The following PLAG1 variants were observed in gnomAD, a reference collection of about 807,000 sequenced individuals.
PLAG1 encodes PLAG1 zinc finger, also known as zinc finger protein PLAG1.
PLAG1 carries 7 observed loss-of-function variants against 35.5 expected under a neutral mutation model. The ratio of observed to expected loss-of-function variants is 0.20; its 90% CI spans 0.11 to 0.37. PLAG1 has a LOEUF of 0.37. Among genes scored for constraint, PLAG1 ranks in the 10% least tolerant of loss-of-function variants. The pLI is 1.00. For synonymous variants in PLAG1, 229 were observed against 225.4 expected, an observed-to-expected ratio of 1.02 and a Z score of -0.14; for missense variants, 454 against 602.8, an observed-to-expected ratio of 0.75 and a Z score of 2.58.
chr8:56,196,083 G>A lies in PLAG1; in HGVS notation c.-322+15038C>T, dbSNP rs1222804614. On this transcript the variant is annotated intron_variant, in intron 1 of 4. Coordinates refer to ENST00000316981, the MANE Select transcript of PLAG1 (RefSeq NM_002655.3). ...CCATGGAACCAGAGTTGGCCAGAAAGGTGCTGTCTAGGGAGCAGAGGAAAA... is the reference window on the plus strand; with the variant it reads ...CCATGGAACCAGAGTTGGCCAGAAAAGTGCTGTCTAGGGAGCAGAGGAAAA... 3.9e-5 allele frequency among the ~76,000 whole-genome samples: 6 copies of A among 152,322 alleles called. No individual in the cohort carries two copies. The East Asian group carries it at 5.8e-4, about 15-fold the overall frequency.
chr8:56,196,945 AGTGTGCGT>A lies in PLAG1; in HGVS notation c.-322+14168_-322+14175del, dbSNP rs780400297. Among the ~76,000 whole-genome samples, 589 of 84,200 alleles carry A rather than the reference AGTGTGCGT, an allele frequency of 7.0e-3. 6 individuals are homozygous for A. The highest frequency in any genetic ancestry group is 0.019 in the African/African-American group (466 of 24,212). 55.2% of individuals were successfully genotyped at this position (84,200 alleles called of 152,430 possible). On this transcript the variant is annotated intron_variant, in intron 1 of 4. Coordinates refer to ENST00000316981, the MANE Select transcript of PLAG1 (RefSeq NM_002655.3). ...GGGTGCAGGCACCCTCTCCCTCCCT[AGTGTGCGT>A]GTGTGTGTGTGTGTGTGTGTGTGTG...
In PLAG1 at chr8:56,166,844, G is replaced by A. The variant is rs771228481; in HGVS notation, c.902C>T (p.Ser301Leu). ...TGTGATCATTTGGTGGGCAGATCCC[G>A]AGCTCTGCATGGACTGAAATGGAGT... Reference protein sequence around the residue: ...YNTPFQSMQSSGSAHQMITTL... With the variant: ...YNTPFQSMQSLGSAHQMITTL... The change falls in exon 5 of 5, where the codon TCG becomes TTG. Residue 301 changes from serine (S) to leucine (L), a missense_variant. Physicochemically the swap from Ser to Leu is moderately radical, Grantham distance 145 (BLOSUM62 -2). Coordinates refer to ENST00000316981, the MANE Select transcript of PLAG1 (RefSeq NM_002655.3). 6.8e-5 allele frequency: 110 copies of A among 1,613,974 alleles called. No individual in the cohort carries two copies. Among genetic ancestry groups the A allele is most frequent in the Non-Finnish European group, 4.5e-5 (53 of 1,180,014 alleles).
At chr8:56,204,829 C>G (rs1376886431) in intron 1 of PLAG1, among the ~76,000 whole-genome samples, 1 of 151,794 alleles carries the variant, frequency 6.6e-6, no homozygotes, top group African/African-American at 2.4e-5. Context: ...GAGTTCAAGA[C>G]TCTCTAATGG....
At chr8:56,169,248 G>C (rs1183649734) in intron 3 of PLAG1, among the ~76,000 whole-genome samples, 1 of 152,122 alleles carries the variant, frequency 6.6e-6, no homozygotes, top group Non-Finnish European at 1.5e-5. Flanking sequence ...GTGTGCAGCA[G>C]ACCTGTGTGG....
intron 1 of PLAG1, among the ~76,000 whole-genome samples, chr8:56,205,973 G>A (rs904885135): frequency 1.3e-5 from 2 of 151,782 alleles, no homozygotes; most frequent in African/African-American, 2.4e-5. Flanking sequence ...GACATCCAGG[G>A]ACTTTTAAAT....
At chr8:56,178,234 C>G (rs1171902026) in intron 2 of PLAG1, among the ~76,000 whole-genome samples, 1 of 152,090 alleles carries the variant, frequency 6.6e-6, no homozygotes, top group Non-Finnish European at 1.5e-5. Flanking sequence ...AAATTTTCAA[C>G]TGATTACAGA....
intron 1 of PLAG1, among the ~76,000 whole-genome samples, chr8:56,200,332 A>G (rs1475034123): frequency 6.6e-6 from 1 of 151,512 alleles, no homozygotes; most frequent in Non-Finnish European, 1.5e-5. Context: ...CTAAGGAACT[A>G]AAAAATGGTA....
At chr8:56,180,326 A>G (rs1811828204) in intron 1 of PLAG1, among the ~76,000 whole-genome samples, 1 of 152,236 alleles carries the variant, frequency 6.6e-6, no homozygotes, top group South Asian at 2.1e-4. Flanking sequence ...CTGATGGAAT[A>G]AACATTACCA....
rs1309523141 is a variant in PLAG1 at position 56,176,046 on chromosome 8, CT to C, written c.-217+3362del. On this transcript the variant is annotated intron_variant, in intron 2 of 4. Transcript: ENST00000316981. ...CTTTTGAAAACTCCCTTTTCCTTTT[CT>C]TTTTTTTTTTTTTTTTGAGACAGGG... Among the ~76,000 whole-genome samples, 381 of 130,064 alleles carry C rather than the reference CT, an allele frequency of 2.9e-3. 1 individual carries two copies. The highest frequency in any genetic ancestry group is 0.011 in the East Asian group (52 of 4,558). 85.3% of individuals were successfully genotyped at this position (130,064 alleles called of 152,430 possible). A position where few individuals can be genotyped will look rare whatever the true frequency, so the allele number is the denominator to read the frequency against.
intron 1 of PLAG1, among the ~76,000 whole-genome samples, chr8:56,193,537 G>A (rs1812250617): frequency 6.6e-6 from 1 of 152,180 alleles, no homozygotes; most frequent in Non-Finnish European, 1.5e-5. Context: ...GAATGCACAT[G>A]ATCATTTTTG....
chr8:56,185,307 T>C (rs1245441567), intron 1 of PLAG1, among the ~76,000 whole-genome samples: 1 of 152,176 alleles, frequency 6.6e-6, no homozygotes, highest in Non-Finnish European at 1.5e-5. Context: ...TTCAGGGACG[T>C]ATGCATATAT....
At chr8:56,173,602 C>A (rs74449339) in intron 2 of PLAG1, among the ~76,000 whole-genome samples, 1 of 146,188 alleles carries the variant, frequency 6.8e-6, no homozygotes, top group East Asian at 1.9e-4. Context: ...AAAAAAAAAA[C>A]TCACAAAGAT....
intron 1 of PLAG1, among the ~76,000 whole-genome samples, chr8:56,199,832 A>T (rs1812498441): frequency 6.6e-6 from 1 of 152,196 alleles, no homozygotes; most frequent in African/African-American, 2.4e-5. Context: ...GCTAAGCTAG[A>T]CATCTGGTGA....
chr8:56,209,028 A>G (rs1194132187), intron 1 of PLAG1, among the ~76,000 whole-genome samples: 1 of 152,194 alleles, frequency 6.6e-6, no homozygotes, highest in Non-Finnish European at 1.5e-5. Context: ...ACAATTTTAA[A>G]GAATCTTCAC....
At chr8:56,191,263 G>C (rs1215604568) in intron 1 of PLAG1, among the ~76,000 whole-genome samples, 2 of 152,200 alleles carry the variant, frequency 1.3e-5, no homozygotes, top group Non-Finnish European at 2.9e-5. Context: ...TAGAGCACTA[G>C]CAGGAGCCAG....
At position 56,172,518 on chromosome 8, in the gene PLAG1, G is replaced by A. The variant is rs1319438924; in HGVS notation, c.-216-1329C>T. Among the ~76,000 whole-genome samples, 4 of 152,270 alleles carry A rather than the reference G, an allele frequency of 2.6e-5. No homozygotes were observed. In the South Asian group the frequency reaches 8.3e-4, roughly 32 times the overall value. On this transcript the variant is annotated intron_variant, in intron 2 of 4. Coordinates refer to ENST00000316981, the MANE Select transcript of PLAG1 (RefSeq NM_002655.3). ...TTGTAGGGTAATTACGAATATGAAAGACCATTTTGTGTATTATGTTATTTT... is the reference window on the plus strand; with the variant it reads ...TTGTAGGGTAATTACGAATATGAAAAACCATTTTGTGTATTATGTTATTTT...
intron 1 of PLAG1, among the ~76,000 whole-genome samples, chr8:56,180,414 G>A (rs34480844): frequency 0.21 from 32,373 of 152,172 alleles, 3,805 homozygotes; most frequent in African/African-American, 0.31. Context: ...GGAGCACACA[G>A]GTTAGTTGTG....
intron 2 of PLAG1, among the ~76,000 whole-genome samples, chr8:56,177,083 A>C (rs1811720052): frequency 6.6e-6 from 1 of 152,014 alleles, no homozygotes; most frequent in South Asian, 2.1e-4. Flanking sequence ...TATAAGTTGT[A>C]CTTATCTATA....
intron 1 of PLAG1, among the ~76,000 whole-genome samples, chr8:56,204,308 G>C (rs184960046): frequency 6.6e-5 from 10 of 151,884 alleles, no homozygotes; most frequent in Admixed American, 5.9e-4. Flanking sequence ...CCAGCATTAA[G>C]ACAATACAAG....
Sources: gnomAD v4.1 joint callset for allele counts (sites outside exome capture counted in the v4.1 genomes callset) on GRCh38, gnomAD v4.1.1 for gene constraint, MANE v1.5 for transcripts, NCBI Gene and HGNC (gene_info 2026-07-23, HGNC 2026-07-21) for gene names.